The following ELSPBP1 variants were observed in gnomAD, a reference collection of about 807,000 sequenced individuals.
ELSPBP1 encodes the protein epididymal sperm-binding protein 1.
ELSPBP1 carries 38 observed loss-of-function variants against 33.3 expected under a neutral mutation model. The ratio of observed to expected loss-of-function variants is 1.14; its 90% CI spans 0.88 to 1.50. ELSPBP1 has a LOEUF of 1.50. ELSPBP1 is among the 40% of genes most tolerant of loss of function. The pLI, the probability that ELSPBP1 is intolerant of heterozygous loss-of-function variation, is 0.00. For synonymous variants in ELSPBP1, 85 were observed against 94.1 expected (o/e 0.90, Z 0.56); for missense variants, 267 against 263.5 (o/e 1.01, Z -0.09).
At chr19:48,002,503 C>T (rs1337803155) in intron 1 of ELSPBP1, among the ~76,000 whole-genome samples, 1 of 152,104 alleles carries the variant, frequency 6.6e-6, no homozygotes, top group Non-Finnish European at 1.5e-5. Context: ...TAAAACATCT[C>T]GCTTGGGCCG....
At position 48,009,482 on chromosome 19, in the gene ELSPBP1, A is replaced by T. The variant is rs544303538; in HGVS notation, c.70+745A>T. 9.8e-5 allele frequency among the ~76,000 whole-genome samples: 15 copies of T among 152,328 alleles called. No individual in the cohort carries two copies. In the South Asian group the frequency reaches 2.9e-3, roughly 29 times the overall value. On this transcript the variant is annotated intron_variant, in intron 2 of 6. Transcript: ENST00000339841. ...GACTGTAAGGTAAGCATGGAAACAG[A>T]ACAAGAGGAAACCTTGCTTACATGT...
At chr19:48,008,354 T>C (rs1967043370) in intron 1 of ELSPBP1, among the ~76,000 whole-genome samples, 1 of 152,140 alleles carries the variant, frequency 6.6e-6, no homozygotes, top group Non-Finnish European at 1.5e-5. Flanking sequence ...TGCCTCAGCC[T>C]CCTGAATAGC....
At chr19:48,009,739 G>A (rs1025454781) in intron 2 of ELSPBP1, among the ~76,000 whole-genome samples, 1 of 152,152 alleles carries the variant, frequency 6.6e-6, no homozygotes, top group Non-Finnish European at 1.5e-5. Context: ...AGTGAGAATA[G>A]CTATTGTAAC....
intron 2 of ELSPBP1, among the ~76,000 whole-genome samples, chr19:48,013,604 C>T (rs561753616): frequency 6.6e-6 from 1 of 152,122 alleles, no homozygotes; most frequent in African/African-American, 2.4e-5. Flanking sequence ...GTAATCCCAG[C>T]TACTTTAGAG....
At chr19:48,020,885 G>A (rs75028446) in intron 5 of ELSPBP1, among the ~76,000 whole-genome samples, 7,406 of 152,298 alleles carry the variant, frequency 0.049, 187 homozygotes, top group Middle Eastern at 0.14. Context: ...GCGCCACTCC[G>A]GGCAAGGGGT....
chr19:48,012,192 C>T (rs1967086525), intron 2 of ELSPBP1, among the ~76,000 whole-genome samples: 1 of 152,196 alleles, frequency 6.6e-6, no homozygotes, highest in Admixed American at 6.5e-5. Flanking sequence ...GTGGTGCAAT[C>T]ATGGCTCACT....
chr19:48,004,124 A>G (rs1966994493), intron 1 of ELSPBP1, among the ~76,000 whole-genome samples: 1 of 151,368 alleles, frequency 6.6e-6, no homozygotes, highest in African/African-American at 2.4e-5. Flanking sequence ...TTGTACTTTT[A>G]GTAGAGATGA....
At chr19:48,015,574 C>T (rs1967122868) in intron 3 of ELSPBP1, among the ~76,000 whole-genome samples, 1 of 152,098 alleles carries the variant, frequency 6.6e-6, no homozygotes, top group African/African-American at 2.4e-5. Context: ...AGGAGAATTG[C>T]TTGAACCCAA....
intron 6 of ELSPBP1, 35 bp downstream of exon 6, chr19:48,022,369 A>G: frequency 1.3e-6 from 2 of 1,562,850 alleles, no homozygotes; most frequent in Non-Finnish European, 1.7e-6. Context: ...CATTTCACGG[A>G]TGCAGAGGTG....
chr19:48,015,860 A>G (rs752779042), intron 3 of ELSPBP1, 33 bp from the exon 4 acceptor site: 4 of 1,582,434 alleles, frequency 2.5e-6, no homozygotes, highest in Non-Finnish European at 3.5e-6. Context: ...GACTAGAGGA[A>G]GTTAAGACAC....
intron 1 of ELSPBP1, among the ~76,000 whole-genome samples, chr19:48,008,208 CAT>C (rs777883283): frequency 1.3e-4 from 19 of 151,610 alleles, no homozygotes; most frequent in East Asian, 3.9e-4. Context: ...TATGTAGAAA[CAT>C]ATGTGTGTGT....
rs1967128966 is a variant in ELSPBP1 at position 48,016,038 on chromosome 19, T to C, written c.354T>C (p.Asn118=). The C allele has an allele frequency of 6.2e-6, 10 of 1,612,890 alleles. No individual in the cohort carries two copies. Among genetic ancestry groups the C allele is most frequent in the East Asian group, 2.2e-5 (1 of 44,878 alleles). ...AGCAGTGGAAATTCTGTGAAACGAATGGTGAGCCCCTGTAGCAGGGATGGG... is the reference window on the plus strand; with the variant it reads ...AGCAGTGGAAATTCTGTGAAACGAACGGTGAGCCCCTGTAGCAGGGATGGG... ...EKQQWKFCET[N]EYGGNSLRKP... is the part of the protein sequence containing the mutation. The change falls in exon 4 of 7, where the codon AAT becomes AAC. Residue 118 remains asparagine (N), a splice_region_variant and synonymous_variant. Transcript: ENST00000339841.
At chr19:48,000,542 G>A (rs1037518104) in intron 1 of ELSPBP1, among the ~76,000 whole-genome samples, 6 of 152,122 alleles carry the variant, frequency 3.9e-5, no homozygotes, top group African/African-American at 9.7e-5. Flanking sequence ...ACAGTCCTAC[G>A]GGATAGATTT....
chr19:48,013,629 A>T (rs1247954954), intron 2 of ELSPBP1, among the ~76,000 whole-genome samples: 9 of 152,192 alleles, frequency 5.9e-5, no homozygotes, highest in Admixed American at 2.0e-4. Flanking sequence ...AGGCAGGAGA[A>T]TCTCTTGAAC....
At chr19:48,010,555 G>T (rs999620344) in intron 2 of ELSPBP1, among the ~76,000 whole-genome samples, 1 of 152,126 alleles carries the variant, frequency 6.6e-6, no homozygotes, top group Admixed American at 6.6e-5. Flanking sequence ...TAAAAAATTG[G>T]CAACTGCATT....
At chr19:48,013,482 C>T (rs895660604) in intron 2 of ELSPBP1, among the ~76,000 whole-genome samples, 3 of 152,134 alleles carry the variant, frequency 2.0e-5, no homozygotes, top group African/African-American at 7.2e-5. Context: ...TGTGGGAGGC[C>T]AAGGTGGGAG....
intron 1 of ELSPBP1, among the ~76,000 whole-genome samples, chr19:48,006,583 C>T (rs1967019594): frequency 8.8e-6 from 1 of 114,142 alleles, no homozygotes; most frequent in Non-Finnish European, 1.7e-5. Context: ...CACTGCACTC[C>T]AGTCTGGGCG....
At chr19:48,016,744 G>A (rs1015298565) in intron 4 of ELSPBP1, among the ~76,000 whole-genome samples, 9 of 151,524 alleles carry the variant, frequency 5.9e-5, no homozygotes, top group East Asian at 3.9e-4. Flanking sequence ...GATTGCAGGC[G>A]CCCACCACCA....
chr19:47,998,425 A>C (rs1966932360), intron 1 of ELSPBP1, among the ~76,000 whole-genome samples: 2 of 151,680 alleles, frequency 1.3e-5, no homozygotes, highest in African/African-American at 2.4e-5. Context: ...AAAAGAAAAA[A>C]AATCAATCAA....
Sources: gnomAD v4.1 joint callset for allele counts (sites outside exome capture counted in the v4.1 genomes callset) on GRCh38, gnomAD v4.1.1 for gene constraint, MANE v1.5 for transcripts, NCBI Gene and HGNC (gene_info 2026-07-23, HGNC 2026-07-21) for gene names.